Variants in EXT1 observed in about 807,000 individuals in gnomAD.
EXT1 encodes exostosin glycosyltransferase 1.
EXT1 carries 20 observed loss-of-function variants against 82.5 expected under a neutral mutation model. The observed-to-expected ratio is 0.24, with a 90% CI of 0.17 to 0.35. The LOEUF (loss-of-function observed/expected upper bound fraction) is 0.35. EXT1 is among the 10% of genes least tolerant of loss of function. EXT1 has a pLI of 1.00. For synonymous variants in EXT1, 348 were observed against 350.8 expected (o/e 0.99, Z 0.09); for missense variants, 757 against 936.5 (o/e 0.81, Z 2.50).
chr8:117,952,391 C>A (rs1217993457), intron 1 of EXT1, among the ~76,000 whole-genome samples: 1 of 152,144 alleles, frequency 6.6e-6, no homozygotes, highest in Non-Finnish European at 1.5e-5. Context: ...AGGTAGCCTG[C>A]TAAACAGCAG....
At chr8:117,873,963 A>C (rs1047728299) in intron 1 of EXT1, among the ~76,000 whole-genome samples, 6 of 152,200 alleles carry the variant, frequency 3.9e-5, no homozygotes, top group Admixed American at 6.5e-5. Flanking sequence ...AATGTGGTAA[A>C]TATGCTACAA....
At chr8:117,831,641 C>T (rs914645024) in intron 3 of EXT1, 2 of 471,034 alleles carry the variant, frequency 4.2e-6, no homozygotes, top group Non-Finnish European at 8.8e-6. Context: ...ACTAATCCGA[C>T]AGATATGGGA....
chr8:118,103,061 G>A (rs551202196), intron 1 of EXT1, among the ~76,000 whole-genome samples: 9 of 152,330 alleles, frequency 5.9e-5, no homozygotes, highest in East Asian at 1.9e-4. Context: ...GCTGAGGCAG[G>A]AGAATCGCTT....
At chr8:118,036,688 T>TCACAG (rs1315657330) in intron 1 of EXT1, among the ~76,000 whole-genome samples, 1 of 152,122 alleles carries the variant, frequency 6.6e-6, no homozygotes, top group African/African-American at 2.4e-5. Flanking sequence ...TTTAGTAAGG[T>TCACAG]CACAGCACTG....
chr8:117,817,942 G>A (rs1253738419), intron 7 of EXT1, among the ~76,000 whole-genome samples: 1 of 152,200 alleles, frequency 6.6e-6, no homozygotes, highest in East Asian at 1.9e-4. Context: ...ATCTTTACAG[G>A]CAGATGCCAA....
At chr8:117,801,914 TC>T (rs1324065412) in intron 10 of EXT1, among the ~76,000 whole-genome samples, 8 of 152,248 alleles carry the variant, frequency 5.3e-5, no homozygotes, top group Non-Finnish European at 1.0e-4. Context: ...TCATTCCTAT[TC>T]AAAAAATTTT....
chr8:118,099,468 T>C (rs1002787822), intron 1 of EXT1, among the ~76,000 whole-genome samples: 10 of 152,234 alleles, frequency 6.6e-5, no homozygotes, highest in Non-Finnish European at 1.3e-4. Flanking sequence ...AATTCTAGGT[T>C]AGAAATCCAA....
chr8:117,819,569 G>A lies in EXT1; in HGVS notation c.1536+107C>T, dbSNP rs535493138. The A allele has an allele frequency of 1.1e-4, 91 of 865,986 alleles. No individual in the cohort carries two copies. In the South Asian group the frequency reaches 1.2e-3, roughly 11 times the overall value. 53.6% of individuals were successfully genotyped at this position (865,986 alleles called of 1,614,324 possible). On this transcript the variant is annotated intron_variant, in intron 6 of 10. Transcript: ENST00000378204. ...GGGAGTAGCAGGGTATGATGTTAGAGAAGTCCCGGGGAGCCTGGGGAGCCC... is the reference window on the plus strand; with the variant it reads ...GGGAGTAGCAGGGTATGATGTTAGAAAAGTCCCGGGGAGCCTGGGGAGCCC...
chr8:117,896,919 T>G (rs913261462), intron 1 of EXT1, among the ~76,000 whole-genome samples: 1 of 152,198 alleles, frequency 6.6e-6, no homozygotes, highest in Non-Finnish European at 1.5e-5. Context: ...TGTGCTCAGC[T>G]TCTTGCCACC....
chr8:118,108,538 G>C (rs1817837316), intron 1 of EXT1, among the ~76,000 whole-genome samples: 1 of 152,170 alleles, frequency 6.6e-6, no homozygotes, highest in Non-Finnish European at 1.5e-5. Flanking sequence ...GTAATCCATT[G>C]CAACTGCACA....
chr8:118,047,136 C>T (rs1375319977), intron 1 of EXT1, among the ~76,000 whole-genome samples: 1 of 152,152 alleles, frequency 6.6e-6, no homozygotes, highest in Non-Finnish European at 1.5e-5. Context: ...TAAAAATCGC[C>T]ATGCCCAAGC....
At chr8:117,925,615 T>A (rs1318059189) in intron 1 of EXT1, among the ~76,000 whole-genome samples, 3 of 138,272 alleles carry the variant, frequency 2.2e-5, no homozygotes, top group Non-Finnish European at 4.5e-5. Context: ...ACACCTGTAA[T>A]CCTAGCACCT....
chr8:118,082,426 C>A (rs533125176), intron 1 of EXT1, among the ~76,000 whole-genome samples: 108 of 152,222 alleles, frequency 7.1e-4, no homozygotes, highest in African/African-American at 2.4e-3. Flanking sequence ...CTTAAGATTA[C>A]GGCTGGAAAT....
intron 4 of EXT1, among the ~76,000 whole-genome samples, chr8:117,829,858 G>A (rs779622401): frequency 2.6e-5 from 4 of 151,960 alleles, no homozygotes; most frequent in African/African-American, 9.7e-5. Context: ...GGAGTGAGCC[G>A]CTGTGCCAAG....
chr8:117,938,939 G>A lies in EXT1; in HGVS notation c.963-101738C>T, dbSNP rs535387442. On this transcript the variant is annotated intron_variant, in intron 1 of 10. Coordinates refer to ENST00000378204, the MANE Select transcript of EXT1 (RefSeq NM_000127.3). ...ACACATTCACTGCCTCAGCTCCCACGGAAACCCTTCGAGCATCCATCAGTA... is the reference window on the plus strand; with the variant it reads ...ACACATTCACTGCCTCAGCTCCCACAGAAACCCTTCGAGCATCCATCAGTA... Among the ~76,000 whole-genome samples, 29 of 152,236 alleles carry A rather than the reference G, an allele frequency of 1.9e-4. No homozygotes were observed. In the South Asian group the frequency reaches 5.8e-3, roughly 31 times the overall value.
chr8:117,953,374 G>A (rs1016109094), intron 1 of EXT1, among the ~76,000 whole-genome samples: 1 of 152,002 alleles, frequency 6.6e-6, no homozygotes, highest in Non-Finnish European at 1.5e-5. Flanking sequence ...CAGATTATAG[G>A]AGAAATGATC....
intron 4 of EXT1, among the ~76,000 whole-genome samples, chr8:117,826,743 T>C (rs1812013764): frequency 6.6e-6 from 1 of 152,134 alleles, no homozygotes; most frequent in Non-Finnish European, 1.5e-5. Context: ...ATTTGACAGT[T>C]GCTATAAATT....
In EXT1 at chr8:117,802,080, A is replaced by C. The variant is rs1419226475; in HGVS notation, c.2056-2183T>G. On this transcript the variant is annotated intron_variant, in intron 10 of 10. Coordinates refer to ENST00000378204, the MANE Select transcript of EXT1 (RefSeq NM_000127.3). The stretch of plus-strand genomic sequence containing the variant: ...ATCTATTTACTTTACCGGTCATACA[A>C]ACATTCAATAAATTAATGTGTATGA... Among the ~76,000 whole-genome samples the C allele has an allele frequency of 2.0e-5, 3 of 152,218 alleles. No individual in the cohort carries two copies. The East Asian group carries it at 5.8e-4, about 29-fold the overall frequency.
chr8:118,019,246 T>TGAAAGGAAGAAA (rs1554594285), intron 1 of EXT1, among the ~76,000 whole-genome samples: 2 of 145,624 alleles, frequency 1.4e-5, no homozygotes, highest in Non-Finnish European at 3.0e-5. Flanking sequence ...GCAGTACGAT[T>TGAAAGGAAGAAA]GAAAGAAAGA....
Sources: gnomAD v4.1 joint callset for allele counts (sites outside exome capture counted in the v4.1 genomes callset) on GRCh38, gnomAD v4.1.1 for gene constraint, MANE v1.5 for transcripts, NCBI Gene and HGNC (gene_info 2026-07-23, HGNC 2026-07-21) for gene names.